The following SPEF2 variants were observed in gnomAD, a reference collection of about 807,000 sequenced individuals.
SPEF2 encodes sperm flagella and cilia-associated protein 2.
In SPEF2, 187 loss-of-function variants were observed where a neutral mutation model predicts 224.6. The observed-to-expected ratio is 0.83, with a 90% CI of 0.74 to 0.94. The LOEUF is 0.94. Among genes scored for constraint, SPEF2 ranks in the 40% least tolerant of loss-of-function variants. SPEF2 has a pLI of 0.00. For synonymous variants in SPEF2, 715 were observed against 707.3 expected (o/e 1.01, Z -0.17); for missense variants, 2,170 against 2,135.6 (o/e 1.02, Z -0.32).
chr5:35,786,232 C>A lies in SPEF2; in HGVS notation c.4448-6108C>A, dbSNP rs374192948. On this transcript the variant is annotated intron_variant, in intron 30 of 36. Transcript: ENST00000356031. Reference sequence around the variant, plus strand: ...CCTAATACGGAAGATTGACAAGTAGCCCAATGCTTGAGTAAGAAAATGCAG... The same window carrying A: ...CCTAATACGGAAGATTGACAAGTAGACCAATGCTTGAGTAAGAAAATGCAG... 1.2e-3 allele frequency among the ~76,000 whole-genome samples: 183 copies of A among 152,324 alleles called. 6 individuals are homozygous for A. In the South Asian group the frequency reaches 0.037, roughly 30 times the overall value.
intron 12 of SPEF2, 29 bp downstream of exon 12, chr5:35,692,753 C>A (rs370918883): frequency 9.4e-6 from 15 of 1,596,992 alleles, no homozygotes; most frequent in Admixed American, 3.5e-5. Flanking sequence ...TTCTCTTCTG[C>A]GCCTAGTACA....
At chr5:35,711,703 G>A (rs1741187638) in intron 19 of SPEF2, among the ~76,000 whole-genome samples, 1 of 149,066 alleles carries the variant, frequency 6.7e-6, no homozygotes, top group South Asian at 2.1e-4. Context: ...CATTTAGAGA[G>A]ATTAACAAAG....
intron 24 of SPEF2, among the ~76,000 whole-genome samples, chr5:35,758,133 T>C (rs557145660): frequency 6.6e-6 from 1 of 152,166 alleles, no homozygotes; most frequent in Non-Finnish European, 1.5e-5. Flanking sequence ...AGTGGTGACA[T>C]AATTGTTTGA....
chr5:35,622,097 A>G (rs906607840), intron 1 of SPEF2, among the ~76,000 whole-genome samples: 5 of 152,192 alleles, frequency 3.3e-5, no homozygotes, highest in South Asian at 2.1e-4. Context: ...AAAATTAAAT[A>G]GATATATTTT....
rs1742874575 is a variant in SPEF2, at chr5:35,617,929, C to G, written c.-69C>G. The G allele has an allele frequency of 2.0e-6, 3 of 1,483,354 alleles. No homozygotes were observed. 91.9% of individuals were successfully genotyped at this position (1,483,354 alleles called of 1,614,324 possible). A position where few individuals can be genotyped will look rare whatever the true frequency, so the allele number is the denominator to read the frequency against. On this transcript the variant is annotated 5_prime_UTR_variant, in exon 1 of 37. Coordinates refer to ENST00000356031, the MANE Select transcript of SPEF2 (RefSeq NM_024867.4). The stretch of plus-strand genomic sequence containing the variant: ...GGTTGCCCTTGGCTACAGGAGGACG[C>G]GGGCTGGCAGGCTTGGTTCCTGGCG...
intron 32 of SPEF2, among the ~76,000 whole-genome samples, chr5:35,794,394 C>CT (rs200779093): frequency 4.9e-4 from 74 of 151,944 alleles, no homozygotes; most frequent in South Asian, 1.9e-3. Flanking sequence ...TGCATGGCCT[C>CT]TTTTTTTTTG....
At chr5:35,678,994 C>T (rs867472601) in intron 10 of SPEF2, among the ~76,000 whole-genome samples, 1 of 152,138 alleles carries the variant, frequency 6.6e-6, no homozygotes, top group Admixed American at 6.5e-5. Context: ...TTCCAGACTT[C>T]GTCAGGGTTT....
chr5:35,703,561 C>T (rs768030408), intron 16 of SPEF2, among the ~76,000 whole-genome samples: 7 of 150,480 alleles, frequency 4.7e-5, no homozygotes, highest in Middle Eastern at 3.2e-3. Context: ...CAGAGTACCA[C>T]GAGTGAAGGG....
At chr5:35,730,726 A>G (rs143077912) in intron 21 of SPEF2, among the ~76,000 whole-genome samples, 99 of 152,362 alleles carry the variant, frequency 6.5e-4, no homozygotes, top group African/African-American at 2.3e-3. Context: ...AAGGAGGTGT[A>G]ATAGTAAAGG....
chr5:35,744,540 G>A (rs1748163314), intron 23 of SPEF2, among the ~76,000 whole-genome samples: 1 of 152,124 alleles, frequency 6.6e-6, no homozygotes, highest in African/African-American at 2.4e-5. Flanking sequence ...GATGTTACTT[G>A]CAAAGGTTTC....
At chr5:35,695,259 C>G (rs779698583) in intron 13 of SPEF2, among the ~76,000 whole-genome samples, 8 of 135,152 alleles carry the variant, frequency 5.9e-5, no homozygotes, top group Admixed American at 2.8e-4. Flanking sequence ...ACTCTTAAAA[C>G]TTCTGGTTTT....
chr5:35,649,295 A>G, intron 5 of SPEF2, 66 bp from the exon 6 acceptor site: 1 of 1,291,892 alleles, frequency 7.7e-7, no homozygotes. Flanking sequence ...ACTTGAATGA[A>G]TGTGTAAATG....
rs537872922 is a variant in SPEF2 at position 35,653,057 on chromosome 5, G to A, written c.792-1483G>A. The stretch of plus-strand genomic sequence containing the variant: ...TTTACTTTTTGAAGAGGATGCAGAT[G>A]AGAATTGATGATTATTTGATCTTTG... On this transcript the variant is annotated intron_variant, in intron 6 of 36. Coordinates refer to ENST00000356031, the MANE Select transcript of SPEF2 (RefSeq NM_024867.4). 2.0e-5 allele frequency among the ~76,000 whole-genome samples: 3 copies of A among 152,286 alleles called. No homozygotes were observed. The South Asian group carries it at 6.2e-4, about 32-fold the overall frequency.
chr5:35,734,443 G>T (rs1240993212), intron 21 of SPEF2, among the ~76,000 whole-genome samples: 1 of 119,674 alleles, frequency 8.4e-6, no homozygotes, highest in Middle Eastern at 4.2e-3. Flanking sequence ...ACCAATGGTA[G>T]CTAAGGAGCT....
intron 15 of SPEF2, 177 bp downstream of exon 15, chr5:35,697,970 C>T (rs558481641): frequency 6.7e-5 from 31 of 459,500 alleles, no homozygotes; most frequent in African/African-American, 5.1e-4. Flanking sequence ...GCCTATATTC[C>T]GCTTCTTCTC....
chr5:35,713,765 A>G (rs1312959225), intron 20 of SPEF2, among the ~76,000 whole-genome samples: 1 of 123,786 alleles, frequency 8.1e-6, no homozygotes. Flanking sequence ...TATATTTTAT[A>G]TATAGTATAT....
At chr5:35,779,510 A>T (rs1424436299) in intron 30 of SPEF2, among the ~76,000 whole-genome samples, 164 bp downstream of exon 30, 1 of 152,178 alleles carries the variant, frequency 6.6e-6, no homozygotes, top group Non-Finnish European at 1.5e-5. Flanking sequence ...TACAACATAG[A>T]CCCTAATTAA....
intron 26 of SPEF2, among the ~76,000 whole-genome samples, chr5:35,769,080 C>G (rs1055389018): frequency 6.6e-6 from 1 of 152,080 alleles, no homozygotes; most frequent in Non-Finnish European, 1.5e-5. Flanking sequence ...TTGGGAATTA[C>G]ATTAATTTTT....
Position 35,700,680 on chromosome 5 carries a change from C to T in SPEF2, c.2326C>T (p.Pro776Ser), listed in dbSNP as rs768728004. Reference protein sequence around the residue: ...ATSKEIPLPSPAFDFVILLDV... With the variant: ...ATSKEIPLPSSAFDFVILLDV... Reference sequence around the variant, plus strand: ...TTCCAAAGAAATACCTCTTCCCTCTCCTGCATTTGATTTTGTCATATTATT... The same window carrying T: ...TTCCAAAGAAATACCTCTTCCCTCTTCTGCATTTGATTTTGTCATATTATT... The change falls in exon 16 of 37, where the codon CCT becomes TCT. Residue 776 changes from proline to serine, a missense_variant. Coordinates refer to ENST00000356031, the MANE Select transcript of SPEF2 (RefSeq NM_024867.4). 6.2e-7 allele frequency: 1 copy of T among 1,614,014 alleles called. No individual in the cohort carries two copies. Among genetic ancestry groups the T allele is most frequent in the Non-Finnish European group, 8.5e-7 (1 of 1,179,928 alleles).
Sources: allele counts gnomAD v4.1 joint callset (sites outside exome capture counted in the v4.1 genomes callset), GRCh38; gene constraint gnomAD v4.1.1; transcripts MANE v1.5; gene names NCBI Gene and HGNC (gene_info 2026-07-23, HGNC 2026-07-21).